The following ZNF469 variants were observed in gnomAD, a reference collection of about 807,000 sequenced individuals.
ZNF469 encodes the protein zinc finger protein 469.
In ZNF469, 1 loss-of-function variant was observed where a neutral mutation model predicts 1.0. The ratio of observed to expected loss-of-function variants is 1.00; its 90% confidence interval spans 0.35 to 4.73. The LOEUF (loss-of-function observed/expected upper bound fraction) is 4.73, where lower values mean the gene tolerates loss of function less well. Ranked by LOEUF, ZNF469 falls within the 30% of genes most tolerant of loss-of-function variation. ZNF469 has a pLI of 0.16. For missense variants in ZNF469, 6,100 were observed against 5,356.3 expected (o/e 1.14, Z -4.33); for synonymous variants, 2,703 against 2,363.4 (o/e 1.14, Z -4.17).
the ZNF469 span, among the ~76,000 whole-genome samples, chr16:88,301,399 C>G: frequency 6.6e-6 from 1 of 152,208 alleles, no homozygotes; most frequent in Non-Finnish European, 1.5e-5. Context: ...CGTGATCCAC[C>G]AGCCTCGGCC....
intron 1 of ZNF469, among the ~76,000 whole-genome samples, chr16:88,414,423 AGCCCT>A (rs1431211129): frequency 6.6e-6 from 1 of 152,226 alleles, no homozygotes; most frequent in African/African-American, 2.4e-5. Flanking sequence ...CACCCCAAAG[AGCCCT>A]GGGGACCGCA....
chr16:88,165,297 G>A, the ZNF469 span, among the ~76,000 whole-genome samples: 4 of 152,364 alleles, frequency 2.6e-5, no homozygotes, highest in South Asian at 2.1e-4. Context: ...CCCAGCTCAC[G>A]CCACCCCGGG....
At chr16:88,201,598 A>G in the ZNF469 span, among the ~76,000 whole-genome samples, 1 of 152,022 alleles carries the variant, frequency 6.6e-6, no homozygotes, top group Non-Finnish European at 1.5e-5. This position sits in a 1 kb window ranked among gnomAD's most constrained non-coding sequence, Gnocchi z 5.0. Context: ...GGGTTAAAAC[A>G]CCACTCTCAA....
the ZNF469 span, among the ~76,000 whole-genome samples, chr16:88,336,246 ATG>A: frequency 6.7e-6 from 1 of 148,964 alleles, no homozygotes. Context: ...TGAGACACTG[ATG>A]CGCCAATACC....
At position 88,429,405 on chromosome 16, in the gene ZNF469, C is replaced by A. The variant is rs1357384784; in HGVS notation, c.1935C>A (p.Gly645=). 3.2e-6 allele frequency: 5 copies of A among 1,546,362 alleles called. No individual in the cohort carries two copies. The highest frequency in any genetic ancestry group is 4.4e-6 in the Non-Finnish European group (5 of 1,143,822). The change falls in exon 3 of 3, where the codon GGC becomes GGA. Residue 645 remains glycine, a synonymous_variant. Transcript: ENST00000565624. ...FHPPTHPQET[G]SPFPSPEPPH... ...CACCCACTCACCCCCAGGAGACGGGCAGCCCCTTCCCGTCCCCGGAGCCCC... is the reference window on the plus strand; with the variant it reads ...CACCCACTCACCCCCAGGAGACGGGAAGCCCCTTCCCGTCCCCGGAGCCCC...
the ZNF469 span, among the ~76,000 whole-genome samples, chr16:88,163,881 T>C: frequency 1.4e-5 from 2 of 139,342 alleles, no homozygotes; most frequent in Non-Finnish European, 3.1e-5. Context: ...AGTGGATGAA[T>C]GGATGGGTAG....
chr16:88,133,021 C>T, the ZNF469 span, among the ~76,000 whole-genome samples: 1 of 152,182 alleles, frequency 6.6e-6, no homozygotes, highest in Admixed American at 6.5e-5. Context: ...CCAGGAGACC[C>T]GTGGGCAGCT....
rs1479377640 is a variant in ZNF469, at chr16:88,431,287, C to T, written c.3817C>T (p.His1273Tyr). 1.3e-6 allele frequency: 2 copies of T among 1,550,166 alleles called. No individual in the cohort carries two copies. Among genetic ancestry groups the T allele is most frequent in the South Asian group, 1.2e-5 (1 of 84,070 alleles). The change falls in exon 3 of 3, where the codon CAT becomes TAT. Residue 1273 changes from histidine (H) to tyrosine (Y), a missense_variant. Transcript: ENST00000565624. ...LIPEQPPPSR[H>Y]DTGTPKPSGS... ...ACCAGAGCAGCCGCCGCCCAGCAGA[C>T]ATGACACCGGCACCCCCAAGCCGTC...
At position 88,433,840 on chromosome 16, in the gene ZNF469, C is replaced by A; in HGVS notation, c.6370C>A (p.Pro2124Thr). 1.3e-6 allele frequency: 2 copies of A among 1,549,806 alleles called. No individual in the cohort carries two copies. The highest frequency in any genetic ancestry group is 1.7e-6 in the Non-Finnish European group (2 of 1,146,736). ...APSPTSAAHM[P>T]CSLGPLPRED... ...CTCACCCACTTCAGCCGCCCACATGCCCTGCAGCCTTGGGCCCCTGCCCCG... is the reference window on the plus strand; with the variant it reads ...CTCACCCACTTCAGCCGCCCACATGACCTGCAGCCTTGGGCCCCTGCCCCG... The change falls in exon 3 of 3, where the codon CCC (proline) becomes ACC (threonine). Residue 2124 changes from proline to threonine, a missense_variant. Physicochemically the swap from Pro to Thr is conservative, Grantham distance 38 (BLOSUM62 -1). Coordinates refer to ENST00000565624, the MANE Select transcript of ZNF469 (RefSeq NM_001367624.2).
chr16:88,434,485 C>T lies in ZNF469; in HGVS notation c.7015C>T (p.His2339Tyr). ...TCCAAGCAATACTGCCCGCCTCGGC[C>T]ACAGGGAGGGCCAGGCTGTCACAGC... The part of the protein sequence containing the change: ...YSPSNTARLG[H>Y]REGQAVTAVP... Residue 2339 changes from histidine to tyrosine, a missense_variant, in exon 3 of 3, where the codon CAC (histidine) becomes TAC (tyrosine). Coordinates refer to ENST00000565624, the MANE Select transcript of ZNF469 (RefSeq NM_001367624.2). 1 of 1,550,130 alleles carries T rather than the reference C, an allele frequency of 6.5e-7. No individual in the cohort carries two copies. Among genetic ancestry groups the T allele is most frequent in the East Asian group, 2.4e-5 (1 of 40,920 alleles).
At chr16:88,128,917 C>G in the ZNF469 span, among the ~76,000 whole-genome samples, 1 of 152,222 alleles carries the variant, frequency 6.6e-6, no homozygotes, top group Admixed American at 6.5e-5. Context: ...TGAGAAAGCT[C>G]CTGGCTCACA....
chr16:88,374,337 G>A, the ZNF469 span, among the ~76,000 whole-genome samples: 4 of 152,242 alleles, frequency 2.6e-5, no homozygotes, highest in African/African-American at 7.2e-5. Flanking sequence ...AAAGCTGGCA[G>A]CAAGGGAGAG....
chr16:88,230,081 G>A, the ZNF469 span, among the ~76,000 whole-genome samples: 1,680 of 152,270 alleles, frequency 0.011, 37 homozygotes, highest in African/African-American at 0.037. Context: ...CTTTCCCTCC[G>A]GTCCTCATCT....
the ZNF469 span, among the ~76,000 whole-genome samples, chr16:88,174,484 A>G: frequency 1.1e-4 from 13 of 115,540 alleles, no homozygotes; most frequent in Middle Eastern, 3.9e-3. Flanking sequence ...CTGTCTATCT[A>G]TCTATCTATC....
chr16:88,129,868 A>G, the ZNF469 span, among the ~76,000 whole-genome samples: 1 of 152,206 alleles, frequency 6.6e-6, no homozygotes, highest in African/African-American at 2.4e-5. Flanking sequence ...CTAAAAGAGA[A>G]AAAAAGAAAA....
At chr16:88,111,122 C>T in the ZNF469 span, among the ~76,000 whole-genome samples, 9 of 152,338 alleles carry the variant, frequency 5.9e-5, no homozygotes, top group South Asian at 1.0e-3. Context: ...CCTCCCGCAC[C>T]GCCCCATGTC....
the ZNF469 span, among the ~76,000 whole-genome samples, chr16:88,118,375 C>G: frequency 1.3e-4 from 20 of 152,348 alleles, no homozygotes; most frequent in Middle Eastern, 3.4e-3. Flanking sequence ...TAGCCCCACC[C>G]TGAGGACGGG....
chr16:88,436,440 G>A lies in ZNF469; in HGVS notation c.8970G>A (p.Leu2990=). 6.5e-7 allele frequency: 1 copy of A among 1,548,332 alleles called. No individual in the cohort carries two copies. Among genetic ancestry groups the A allele is most frequent in the Non-Finnish European group, 8.7e-7 (1 of 1,146,958 alleles). The part of the protein sequence containing the change: ...EDDRPEAIPE[L]HMVPAAWRGL... ...ATCGGCCGGAGGCCATTCCTGAGCT[G>A]CACATGGTCCCAGCGGCTTGGCGAG... Residue 2990 remains leucine (L), a synonymous_variant, in exon 3 of 3, where the codon CTG becomes CTA. Coordinates refer to ENST00000565624, the MANE Select transcript of ZNF469 (RefSeq NM_001367624.2).
At chr16:88,147,891 G>A in the ZNF469 span, among the ~76,000 whole-genome samples, 25 of 152,286 alleles carry the variant, frequency 1.6e-4, no homozygotes, top group East Asian at 2.5e-3. Flanking sequence ...GGACCCCTGA[G>A]TGTTGAAGAG....
Sources: allele counts gnomAD v4.1 joint callset (sites outside exome capture counted in the v4.1 genomes callset), GRCh38; gene constraint gnomAD v4.1.1; non-coding constraint Gnocchi (gnomAD v3.1); transcripts MANE v1.5; gene names NCBI Gene and HGNC (gene_info 2026-07-23, HGNC 2026-07-21).